Variants in PARP4 observed in about 807,000 individuals in gnomAD.
The protein encoded by PARP4 is poly(ADP-ribose) polymerase family member 4, also known as protein mono-ADP-ribosyltransferase PARP4.
Under a neutral mutation model 187.7 loss-of-function variants are expected in PARP4, and 120 were observed. The observed-to-expected ratio is 0.64, with a 90% CI of 0.55 to 0.74. The LOEUF is 0.74. PARP4 is among the 30% of genes least tolerant of loss of function. PARP4 has a pLI of 0.00. For synonymous variants in PARP4, 654 were observed against 740.9 expected (o/e 0.88, Z 1.90); for missense variants, 1,836 against 2,070.5 (o/e 0.89, Z 2.20).
At chr13:24,437,286 A>G (rs923568036) in intron 30 of PARP4, among the ~76,000 whole-genome samples, 6 of 152,172 alleles carry the variant, frequency 3.9e-5, no homozygotes, top group African/African-American at 1.4e-4. Flanking sequence ...AAAAATTTTA[A>G]AAGTATAATC....
Position 24,511,179 on chromosome 13 carries a change from T to C in PARP4, c.-2+1527A>G, listed in dbSNP as rs146150464. ...ATGGAAAGGCGCACTTTGGGTTTCG[T>C]GAAATCTCAAGTCAGGTCTTGACTT... On this transcript the variant is annotated intron_variant, in intron 1 of 33. Coordinates refer to ENST00000381989, the MANE Select transcript of PARP4 (RefSeq NM_006437.4). Among the ~76,000 whole-genome samples the C allele has an allele frequency of 3.3e-5, 5 of 152,304 alleles. No homozygotes were observed. In the East Asian group the frequency reaches 9.6e-4, roughly 29 times the overall value.
At chr13:24,458,270 C>T (rs906214029) in intron 20 of PARP4, among the ~76,000 whole-genome samples, 4 of 152,046 alleles carry the variant, frequency 2.6e-5, no homozygotes, top group African/African-American at 7.2e-5. Context: ...CCACCACACC[C>T]GGCTAATTTT....
intron 1 of PARP4, among the ~76,000 whole-genome samples, chr13:24,507,089 G>A (rs1019225672): frequency 1.3e-5 from 2 of 152,182 alleles, no homozygotes; most frequent in Admixed American, 6.5e-5. Context: ...CGGGGCCAGC[G>A]GGCTGCTCAG....
intron 30 of PARP4, among the ~76,000 whole-genome samples, chr13:24,436,127 G>A (rs1870627829): frequency 6.6e-6 from 1 of 152,132 alleles, no homozygotes; most frequent in South Asian, 2.1e-4. Flanking sequence ...TGAGGGAACT[G>A]AGGAGCACAG....
intron 15 of PARP4, among the ~76,000 whole-genome samples, chr13:24,474,761 G>A (rs1461017077): frequency 2.0e-5 from 3 of 152,082 alleles, no homozygotes; most frequent in Non-Finnish European, 4.4e-5. Flanking sequence ...ATGGTGGCCA[G>A]AGTGAGCTGG....
At chr13:24,491,404 C>T (rs1868643472) in intron 9 of PARP4, among the ~76,000 whole-genome samples, 1 of 152,176 alleles carries the variant, frequency 6.6e-6, no homozygotes. Context: ...CAGGCGTGAG[C>T]CACCACACCC....
In PARP4 at chr13:24,489,516, G is replaced by A. The variant is rs1593642699; in HGVS notation, c.1214+1152C>T. ...CCAGCTGAGGGGGGTGGCTGAGGCA[G>A]GAGAATGGCGTGAACCTGGGAGGCA... is the stretch of plus-strand genomic sequence containing the variant. On this transcript the variant is annotated intron_variant, in intron 10 of 33. Transcript: ENST00000381989. 3.3e-5 allele frequency among the ~76,000 whole-genome samples: 5 copies of A among 152,314 alleles called. No individual in the cohort carries two copies. In the East Asian group the frequency reaches 9.6e-4, roughly 29 times the overall value.
chr13:24,474,019 G>A (rs1175981543), intron 15 of PARP4, among the ~76,000 whole-genome samples: 1 of 152,086 alleles, frequency 6.6e-6, no homozygotes, highest in East Asian at 1.9e-4. Flanking sequence ...TCCAACTTGG[G>A]TCTCCTCCCT....
At chr13:24,460,258 G>C (rs1402733746) in intron 17 of PARP4, 122 bp from the exon 18 acceptor site, 4 of 813,132 alleles carry the variant, frequency 4.9e-6, no homozygotes, top group African/African-American at 3.5e-5. Flanking sequence ...TCAGAAAACA[G>C]TAATAAAACC....
chr13:24,454,110 A>AG (rs1008751037), intron 22 of PARP4, among the ~76,000 whole-genome samples: 13 of 152,212 alleles, frequency 8.5e-5, no homozygotes, highest in African/African-American at 3.1e-4. Context: ...AAAAAAAAAA[A>AG]AAAATTCACC....
At chr13:24,495,653 G>A (rs921319275) in intron 6 of PARP4, among the ~76,000 whole-genome samples, 1 of 152,170 alleles carries the variant, frequency 6.6e-6, no homozygotes, top group African/African-American at 2.4e-5. Context: ...AAGCCATGGT[G>A]TCCTTGTAGG....
At chr13:24,505,855 G>A (rs1423092085) in intron 1 of PARP4, among the ~76,000 whole-genome samples, 1 of 152,258 alleles carries the variant, frequency 6.6e-6, no homozygotes, top group African/African-American at 2.4e-5. Context: ...GAGGATCGCG[G>A]TTCCGGGTCC....
intron 11 of PARP4, 120 bp downstream of exon 11, chr13:24,486,048 A>C: frequency 2.6e-5 from 20 of 762,572 alleles, no homozygotes; most frequent in Non-Finnish European, 3.6e-5. Context: ...GAATGCAGTA[A>C]GCTAGCTGAT....
At chr13:24,511,967 TTAATAAA>T (rs1870038876) in intron 1 of PARP4, among the ~76,000 whole-genome samples, 1 of 152,246 alleles carries the variant, frequency 6.6e-6, no homozygotes, top group South Asian at 2.1e-4. Flanking sequence ...TAATGTTTAC[TTAATAAA>T]TGATAAAGTC....
Position 24,494,683 on chromosome 13 carries a change from C to T in PARP4, c.631G>A (p.Ala211Thr), listed in dbSNP as rs1205985061. The change falls in exon 7 of 34, where the codon GCA becomes ACA. Residue 211 changes from alanine to threonine, a missense_variant. Physicochemically the swap from Ala to Thr is moderately conservative, Grantham distance 58. Coordinates refer to ENST00000381989, the MANE Select transcript of PARP4 (RefSeq NM_006437.4). ...ATGTAATTTTCAAAGTATTCACTTG[C>T]ATCTTCAGAGGTTTTCTTTATAGCA... The part of the protein sequence containing the change: ...QFAIKKTSED[A>T]SEYFENYIEE... The T allele has an allele frequency of 5.0e-6, 8 of 1,608,794 alleles. No individual in the cohort carries two copies. Among genetic ancestry groups the T allele is most frequent in the Non-Finnish European group, 6.0e-6 (7 of 1,176,032 alleles).
intron 17 of PARP4, among the ~76,000 whole-genome samples, chr13:24,462,192 C>T (rs369572852): frequency 3.3e-5 from 5 of 152,140 alleles, no homozygotes; most frequent in Admixed American, 1.3e-4. Flanking sequence ...CCTAGCACTG[C>T]GGGAGGGGAA....
At chr13:24,460,673 C>T (rs1299903226) in intron 17 of PARP4, among the ~76,000 whole-genome samples, 1 of 152,194 alleles carries the variant, frequency 6.6e-6, no homozygotes, top group East Asian at 1.9e-4. Flanking sequence ...GGTAATTTCT[C>T]ATGTTATTTT....
intron 31 of PARP4, among the ~76,000 whole-genome samples, chr13:24,433,101 G>T (rs1264132498): frequency 6.6e-6 from 1 of 152,170 alleles, no homozygotes; most frequent in Admixed American, 6.5e-5. Context: ...CTTGCGTAAC[G>T]TCCTCTGGAA....
chr13:24,506,247 G>C (rs150179466), intron 1 of PARP4, among the ~76,000 whole-genome samples: 1 of 152,140 alleles, frequency 6.6e-6, no homozygotes, highest in Non-Finnish European at 1.5e-5. Flanking sequence ...GTCCGGAGTT[G>C]TTTACTCCTA....
Sources: allele counts gnomAD v4.1 joint callset (sites outside exome capture counted in the v4.1 genomes callset), GRCh38; gene constraint gnomAD v4.1.1; transcripts MANE v1.5; gene names NCBI Gene and HGNC (gene_info 2026-07-23, HGNC 2026-07-21).